Variants in NEK7 observed in about 807,000 individuals in gnomAD.
NEK7 encodes the protein NIMA related kinase 7, also known as serine/threonine-protein kinase Nek7.
In NEK7, 18 loss-of-function variants were observed where a neutral mutation model predicts 44.6. The observed-to-expected ratio is 0.40, with a 90% CI of 0.28 to 0.60. NEK7 has a LOEUF of 0.60. Among genes scored for constraint, NEK7 ranks in the 20% least tolerant of loss-of-function variants. The probability of loss-of-function intolerance (pLI) is 0.38; values close to 1 mark genes in which losing one functional copy is unlikely to be tolerated. For synonymous variants in NEK7, 130 were observed against 121.1 expected (o/e 1.07, Z -0.48); for missense variants, 256 against 366.5 (o/e 0.70, Z 2.46).
chr1:198,253,047 T>A lies in NEK7; in HGVS notation c.65T>A (p.Leu22Ter). Reference protein sequence around the residue: ...PVPQFQPQKALRPDMGYNTLA... With the variant: ...PVPQFQPQKA ...TGACATTTTTAATTACAGAAGGCCT[T>A]ACGACCGGATATGGGCTATAATACA... Residue 22 changes from leucine (L) to a stop codon, truncating the protein, a stop_gained, in exon 3 of 10, where the codon TTA (leucine) becomes TAA (stop). Transcript: ENST00000367385. LOFTEE classifies it high-confidence loss of function. 6.2e-7 allele frequency: 1 copy of A among 1,605,982 alleles called. No homozygotes were observed. Among genetic ancestry groups the A allele is most frequent in the Non-Finnish European group, 8.5e-7 (1 of 1,176,252 alleles).
chr1:198,161,490 C>G (rs1445219271), intron 1 of NEK7, among the ~76,000 whole-genome samples: 1 of 152,132 alleles, frequency 6.6e-6, no homozygotes, highest in Non-Finnish European at 1.5e-5. Context: ...AAATGTGGTG[C>G]TATGCCATTG....
At chr1:198,263,149 G>C (rs1395477340) in intron 4 of NEK7, among the ~76,000 whole-genome samples, 9 of 151,778 alleles carry the variant, frequency 5.9e-5, no homozygotes, top group African/African-American at 2.2e-4. Context: ...AGTTATTTCT[G>C]CACTGCTTCT....
chr1:198,308,736 C>A (rs1195077769), intron 9 of NEK7, among the ~76,000 whole-genome samples: 1 of 152,196 alleles, frequency 6.6e-6, no homozygotes, highest in Non-Finnish European at 1.5e-5. Flanking sequence ...ATCATTTCAT[C>A]CCTGTTGCTC....
Position 198,242,450 on chromosome 1 carries a change from T to C in NEK7, c.57+9813T>C, listed in dbSNP as rs142884179. On this transcript the variant is annotated intron_variant, in intron 2 of 9. Transcript: ENST00000367385. ...TCTCACTCTGACACCCAGGCTGAAATGCCGTGGCGTGATCTCAGCTCACTT... is the reference window on the plus strand; with the variant it reads ...TCTCACTCTGACACCCAGGCTGAAACGCCGTGGCGTGATCTCAGCTCACTT... Among the ~76,000 whole-genome samples, 47 of 148,554 alleles carry C rather than the reference T, an allele frequency of 3.2e-4. No homozygotes were observed. In the East Asian group the frequency reaches 8.3e-3, roughly 26 times the overall value.
intron 2 of NEK7, among the ~76,000 whole-genome samples, chr1:198,249,850 A>G (rs1301926127): frequency 3.8e-5 from 5 of 131,652 alleles, no homozygotes; most frequent in Non-Finnish European, 7.8e-5. Flanking sequence ...CTGTTCACTG[A>G]TGGTAGTTTC....
chr1:198,289,810 C>T (rs1372602955), intron 7 of NEK7, among the ~76,000 whole-genome samples: 3 of 152,098 alleles, frequency 2.0e-5, no homozygotes, highest in African/African-American at 7.2e-5. Context: ...AAACATATTG[C>T]AGAACTTCTA....
At chr1:198,183,566 T>TG (rs1263657427) in intron 1 of NEK7, among the ~76,000 whole-genome samples, 1 of 152,230 alleles carries the variant, frequency 6.6e-6, no homozygotes, top group Admixed American at 6.5e-5. Flanking sequence ...TTATAGTAAA[T>TG]AAACATTTTA....
chr1:198,198,156 G>T, intron 1 of NEK7: 1 of 813,358 alleles, frequency 1.2e-6, no homozygotes, highest in Non-Finnish European at 2.1e-6. Context: ...TATGGATTTG[G>T]TCCTGGCTGG....
chr1:198,277,480 A>G (rs1026172615), intron 5 of NEK7, among the ~76,000 whole-genome samples: 1 of 151,836 alleles, frequency 6.6e-6, no homozygotes, highest in African/African-American at 2.4e-5. Context: ...TTTCTACATA[A>G]ATTCCTTTTA....
At chr1:198,158,888 G>A (rs537786662) in intron 1 of NEK7, among the ~76,000 whole-genome samples, 9 of 152,284 alleles carry the variant, frequency 5.9e-5, no homozygotes, top group African/African-American at 2.2e-4. Flanking sequence ...TGGGGTAGGG[G>A]AGAGGTGTTA....
intron 9 of NEK7, among the ~76,000 whole-genome samples, chr1:198,303,542 A>G (rs923649699): frequency 1.3e-5 from 2 of 152,090 alleles, no homozygotes; most frequent in African/African-American, 4.8e-5. Flanking sequence ...GCATCTTTGA[A>G]GTTAAATTAA....
At chr1:198,252,454 T>G (rs1284005587) in intron 2 of NEK7, among the ~76,000 whole-genome samples, 2 of 147,614 alleles carry the variant, frequency 1.4e-5, no homozygotes, top group Non-Finnish European at 3.0e-5. Flanking sequence ...TATCTAAAAG[T>G]TCAGACTCTT....
chr1:198,306,457 A>C (rs1655028254), intron 9 of NEK7, among the ~76,000 whole-genome samples: 1 of 152,276 alleles, frequency 6.6e-6, no homozygotes, highest in East Asian at 1.9e-4. Context: ...AACATTGTAA[A>C]AATGGGTTTT....
chr1:198,269,159 A>G (rs1653756030), intron 5 of NEK7, among the ~76,000 whole-genome samples: 2 of 152,064 alleles, frequency 1.3e-5, no homozygotes, highest in Non-Finnish European at 2.9e-5. Flanking sequence ...TTGCCTGGCT[A>G]TCTTCAGCTT....
intron 7 of NEK7, among the ~76,000 whole-genome samples, chr1:198,291,555 AT>A (rs775518980): frequency 1.3e-5 from 2 of 152,114 alleles, no homozygotes; most frequent in Non-Finnish European, 2.9e-5. Context: ...CAATTAAATA[AT>A]TTATGTCTTA....
intron 1 of NEK7, among the ~76,000 whole-genome samples, chr1:198,231,312 TATATATATATATATATATATATATAA>T (rs1262978314): frequency 8.8e-6 from 1 of 114,094 alleles, no homozygotes; most frequent in African/African-American, 3.7e-5. Context: ...TATATATATA[TATATATATATATATATATATATATAA>T]AAACACATGA....
At chr1:198,256,488 A>G (rs986937836) in intron 3 of NEK7, 3 of 1,589,200 alleles carry the variant, frequency 1.9e-6, no homozygotes, top group Non-Finnish European at 2.6e-6. Flanking sequence ...GCAAAAAAAT[A>G]AGATGGTACC....
At chr1:198,282,252 A>G (rs1654224148) in intron 7 of NEK7, among the ~76,000 whole-genome samples, 1 of 152,050 alleles carries the variant, frequency 6.6e-6, no homozygotes, top group African/African-American at 2.4e-5. Flanking sequence ...CCTCAAAGAC[A>G]CTATCTGATT....
intron 1 of NEK7, among the ~76,000 whole-genome samples, chr1:198,226,239 T>C (rs945784901): frequency 1.3e-5 from 2 of 152,250 alleles, no homozygotes; most frequent in East Asian, 3.9e-4. Context: ...ACATATTCTA[T>C]AATAACATTA....
Sources: allele counts gnomAD v4.1 joint callset (sites outside exome capture counted in the v4.1 genomes callset), GRCh38; gene constraint gnomAD v4.1.1; transcripts MANE v1.5; gene names NCBI Gene and HGNC (gene_info 2026-07-23, HGNC 2026-07-21).